Variants in REC114 observed in about 807,000 individuals in gnomAD.
The protein encoded by REC114 is REC114 meiotic recombination protein, also known as meiotic recombination protein REC114.
Under a neutral mutation model 31.3 loss-of-function variants are expected in REC114, and 27 were observed. The ratio of observed to expected loss-of-function variants is 0.86; its 90% CI spans 0.64 to 1.19. REC114 has a LOEUF of 1.19. REC114 is among the 50% of genes most tolerant of loss of function. REC114 has a pLI of 0.00. For missense variants in REC114, 344 were observed against 326.9 expected (o/e 1.05, Z -0.40); for synonymous variants, 134 against 127.7 (o/e 1.05, Z -0.33).
chr15:73,520,736 TA>T (rs1309044906), intron 2 of REC114, among the ~76,000 whole-genome samples: 2 of 152,232 alleles, frequency 1.3e-5, no homozygotes, highest in African/African-American at 4.8e-5. Context: ...GGTTCTCTTT[TA>T]AATAGTCCAT....
chr15:73,537,490 C>A (rs1408565950), intron 2 of REC114, among the ~76,000 whole-genome samples: 3 of 146,920 alleles, frequency 2.0e-5, no homozygotes, highest in African/African-American at 8.1e-5. Flanking sequence ...GTGGGTATCC[C>A]CCCCTGAATC....
intron 1 of REC114, among the ~76,000 whole-genome samples, chr15:73,465,434 C>T (rs986755383): frequency 6.6e-6 from 1 of 152,214 alleles, no homozygotes; most frequent in Non-Finnish European, 1.5e-5. Context: ...GGTTAACTTT[C>T]ATACCTTTGG....
At chr15:73,508,336 C>A (rs1397876799) in intron 2 of REC114, among the ~76,000 whole-genome samples, 1 of 151,536 alleles carries the variant, frequency 6.6e-6, no homozygotes, top group Non-Finnish European at 1.5e-5. Flanking sequence ...TCATTTACTG[C>A]TGGTGACATA....
At chr15:73,518,432 C>T (rs1295775011) in intron 2 of REC114, among the ~76,000 whole-genome samples, 1 of 152,228 alleles carries the variant, frequency 6.6e-6, no homozygotes, top group Non-Finnish European at 1.5e-5. Flanking sequence ...TTTTCTGATC[C>T]TTACAATAAA....
chr15:73,469,521 C>G (rs1230028221), intron 1 of REC114, among the ~76,000 whole-genome samples: 1 of 152,012 alleles, frequency 6.6e-6, no homozygotes, highest in African/African-American at 2.4e-5. Flanking sequence ...CCTCGAACTC[C>G]TGAGCTCAAG....
At chr15:73,534,267 C>T (rs908541938) in intron 2 of REC114, among the ~76,000 whole-genome samples, 2 of 152,026 alleles carry the variant, frequency 1.3e-5, no homozygotes, top group African/African-American at 4.8e-5. Context: ...AAAGGATCAA[C>T]AAAATTGATA....
At chr15:73,500,675 G>C (rs1893591653) in intron 2 of REC114, among the ~76,000 whole-genome samples, 2 of 151,108 alleles carry the variant, frequency 1.3e-5, no homozygotes, top group Non-Finnish European at 2.9e-5. Context: ...ATAAGTTACA[G>C]CTCATTTTTT....
intron 5 of REC114, among the ~76,000 whole-genome samples, chr15:73,557,533 T>C (rs2141339621): frequency 6.6e-6 from 1 of 152,278 alleles, no homozygotes; most frequent in Non-Finnish European, 1.5e-5. Flanking sequence ...TAAGAATTCA[T>C]GTTTATTTCT....
intron 1 of REC114, among the ~76,000 whole-genome samples, chr15:73,452,583 C>G (rs1476411074): frequency 6.6e-6 from 1 of 152,174 alleles, no homozygotes; most frequent in Non-Finnish European, 1.5e-5. Flanking sequence ...AGATTCAATG[C>G]TATCCCCATC....
intron 2 of REC114, among the ~76,000 whole-genome samples, chr15:73,485,630 C>T (rs1309794016): frequency 6.6e-6 from 1 of 152,194 alleles, no homozygotes; most frequent in African/African-American, 2.4e-5. Flanking sequence ...CACCACCTTG[C>T]TCCTGCTCTT....
chr15:73,550,575 A>T (rs1411064804), intron 3 of REC114, among the ~76,000 whole-genome samples: 4 of 152,172 alleles, frequency 2.6e-5, no homozygotes, highest in Admixed American at 2.6e-4. Flanking sequence ...TGCTTGCTGT[A>T]TTATTATCCT....
chr15:73,523,105 T>C (rs764591992), intron 2 of REC114, among the ~76,000 whole-genome samples: 18 of 152,184 alleles, frequency 1.2e-4, no homozygotes, highest in Non-Finnish European at 2.2e-4. Flanking sequence ...ATTTTGCCTA[T>C]TGAGTTGTCT....
chr15:73,514,302 TCGCGCACGGTG>T (rs1192613223), intron 2 of REC114, among the ~76,000 whole-genome samples: 1 of 151,654 alleles, frequency 6.6e-6, no homozygotes, highest in Non-Finnish European at 1.5e-5. Context: ...CTGCTTCGGC[TCGCGCACGGTG>T]CGCGCACCCA....
chr15:73,473,873 C>G lies in REC114; in HGVS notation c.201C>G (p.Thr67=), dbSNP rs1893171020. The part of the protein sequence containing the change: ...SNEESGYLVL[T]IVISGHFFIF... The stretch of plus-strand genomic sequence containing the variant: ...AAGAATCTGGATATCTTGTTCTCAC[C>G]ATAGTTATATCAGGTCATTTCTTCA... The change falls in exon 2 of 6, where the codon ACC becomes ACG. Residue 67 remains threonine, a synonymous_variant. Transcript: ENST00000331090. The G allele has an allele frequency of 1.1e-5, 17 of 1,588,018 alleles. No individual in the cohort carries two copies. The highest frequency in any genetic ancestry group is 1.4e-5 in the Non-Finnish European group (16 of 1,165,044).
intron 2 of REC114, among the ~76,000 whole-genome samples, chr15:73,532,114 C>G (rs1894094068): frequency 6.6e-6 from 1 of 151,474 alleles, no homozygotes; most frequent in Non-Finnish European, 1.5e-5. Context: ...AGGTATATCT[C>G]CCGATGCTAT....
chr15:73,510,174 A>G (rs1893742050), intron 2 of REC114, among the ~76,000 whole-genome samples: 1 of 151,992 alleles, frequency 6.6e-6, no homozygotes, highest in Non-Finnish European at 1.5e-5. Context: ...TGTAAGTTGG[A>G]TTCCTAGGTA....
intron 3 of REC114, among the ~76,000 whole-genome samples, chr15:73,543,545 TCTCAAACTC>T (rs1366536882): frequency 6.6e-6 from 1 of 152,096 alleles, no homozygotes; most frequent in Non-Finnish European, 1.5e-5. Context: ...GTCAGGCTGG[TCTCAAACTC>T]CCGACCTCAG....
chr15:73,474,298 G>A (rs1175193508), intron 2 of REC114, among the ~76,000 whole-genome samples: 7 of 152,038 alleles, frequency 4.6e-5, no homozygotes, highest in Admixed American at 4.6e-4. Flanking sequence ...AAAACAAAAA[G>A]GTGTTACTGT....
intron 2 of REC114, among the ~76,000 whole-genome samples, chr15:73,500,465 A>G (rs912473585): frequency 6.6e-6 from 1 of 152,090 alleles, no homozygotes; most frequent in Non-Finnish European, 1.5e-5. Flanking sequence ...AAACTAGTCT[A>G]TGGTGATAGA....
Sources: allele counts gnomAD v4.1 joint callset (sites outside exome capture counted in the v4.1 genomes callset), GRCh38; gene constraint gnomAD v4.1.1; transcripts MANE v1.5; gene names NCBI Gene and HGNC (gene_info 2026-07-23, HGNC 2026-07-21).